The following PLCB4 variants were observed in gnomAD, a reference collection of about 807,000 sequenced individuals.
PLCB4 encodes 1-phosphatidylinositol 4,5-bisphosphate phosphodiesterase beta-4.
Under a neutral mutation model 178.8 loss-of-function variants are expected in PLCB4, and 77 were observed. That is an observed-to-expected ratio of 0.43 (90% CI 0.36 to 0.52). The LOEUF is 0.52. Among genes scored for constraint, PLCB4 ranks in the 20% least tolerant of loss-of-function variants. The pLI, the probability that PLCB4 is intolerant of heterozygous loss-of-function variation, is 0.00. For synonymous variants in PLCB4, 496 were observed against 490.8 expected, an observed-to-expected ratio of 1.01 and a Z score of -0.14; for missense variants, 1,024 against 1,453.4, an observed-to-expected ratio of 0.70 and a Z score of 4.80.
rs371725939 is a variant in PLCB4 at position 9,423,846 on chromosome 20, C to T, written c.2418C>T (p.Ala806=). The T allele has an allele frequency of 2.0e-5, 32 of 1,613,190 alleles. No homozygotes were observed. The highest frequency in any genetic ancestry group is 1.8e-4 in the South Asian group (16 of 91,056). The stretch of plus-strand genomic sequence containing the variant: ...TCCTCCCGCTTGATGGCCTCCAAGC[C>T]GGATATCGACACATTTCCCTTCGAA... ...QRILPLDGLQ[A]GYRHISLRNE... Residue 806 remains alanine, a synonymous_variant, in exon 28 of 40, where the codon GCC becomes GCT. Transcript: ENST00000378473.
chr20:9,085,320 A>G (rs912713902), intron 1 of PLCB4, among the ~76,000 whole-genome samples: 1 of 152,132 alleles, frequency 6.6e-6, no homozygotes, highest in Non-Finnish European at 1.5e-5. Context: ...ATTTGAGTTT[A>G]TTTGAATACA....
chr20:9,372,445 C>T (rs771768559), intron 11 of PLCB4, 42 bp downstream of exon 11: 2 of 971,174 alleles, frequency 2.1e-6, no homozygotes, highest in South Asian at 1.4e-5. Flanking sequence ...AATATTATCA[C>T]TGTCCTTTTC....
intron 2 of PLCB4, among the ~76,000 whole-genome samples, chr20:9,168,017 T>C (rs2093000759): frequency 6.6e-6 from 1 of 152,190 alleles, no homozygotes; most frequent in Admixed American, 6.5e-5. Context: ...TTCACAGCTG[T>C]CTTTTATAGC....
At chr20:9,200,553 T>G (rs912980489) in intron 2 of PLCB4, among the ~76,000 whole-genome samples, 4 of 152,224 alleles carry the variant, frequency 2.6e-5, no homozygotes, top group Non-Finnish European at 2.9e-5. Flanking sequence ...CCCATTTAAT[T>G]GAAAATCAGA....
rs116890280 is a variant in PLCB4 at position 9,291,626 on chromosome 20, C to T, written c.-15-16174C>T. ...CGAATTCCATGTGATTTTTTTCTCACTATCTCTATTTTATTAGTTCCATCT... is the reference window on the plus strand; with the variant it reads ...CGAATTCCATGTGATTTTTTTCTCATTATCTCTATTTTATTAGTTCCATCT... On this transcript the variant is annotated intron_variant, in intron 3 of 39. Coordinates refer to ENST00000378473, the MANE Select transcript of PLCB4 (RefSeq NM_001377142.1). Among the ~76,000 whole-genome samples, 3 of 152,228 alleles carry T rather than the reference C, an allele frequency of 2.0e-5. No individual in the cohort carries two copies. In the East Asian group the frequency reaches 5.8e-4, roughly 29 times the overall value.
intron 35 of PLCB4, among the ~76,000 whole-genome samples, chr20:9,462,552 C>T (rs2122500169): frequency 6.6e-6 from 1 of 152,234 alleles, no homozygotes; most frequent in South Asian, 2.1e-4. Context: ...CTATAATAAA[C>T]AGTGTAGAGA....
At chr20:9,284,569 A>G (rs575962739) in intron 3 of PLCB4, among the ~76,000 whole-genome samples, 2 of 151,970 alleles carry the variant, frequency 1.3e-5, no homozygotes, top group East Asian at 3.9e-4. Flanking sequence ...GGGGAGAGGG[A>G]AATGTATGAT....
At chr20:9,219,455 G>A (rs2093771932) in intron 3 of PLCB4, among the ~76,000 whole-genome samples, 1 of 151,894 alleles carries the variant, frequency 6.6e-6, no homozygotes, top group Non-Finnish European at 1.5e-5. Flanking sequence ...GGCAACAGAG[G>A]GAGACTCCGA....
chr20:9,437,681 C>G (rs1353918493), intron 30 of PLCB4, among the ~76,000 whole-genome samples: 3 of 152,082 alleles, frequency 2.0e-5, no homozygotes, highest in East Asian at 1.9e-4. Flanking sequence ...TAGGGAGTGG[C>G]AAGGAGTTCA....
Position 9,372,419 on chromosome 20 carries a change from G to T in PLCB4, c.686+16G>T. 4 of 1,253,198 alleles carry T rather than the reference G, an allele frequency of 3.2e-6. No homozygotes were observed. The highest frequency in any genetic ancestry group is 4.7e-6 in the Non-Finnish European group (4 of 859,794). The allele number at this position is 1,253,198 out of a possible 1,614,324, so 77.6% of individuals were successfully genotyped here. On this transcript the variant is annotated intron_variant, in intron 11 of 39. Transcript: ENST00000378473. ...TCAAAAAAATGTAAGTTCCACTTAT[G>T]AGGAAGTGCCATATAAATATTATCA...
chr20:9,349,445 G>A lies in PLCB4; in HGVS notation c.369+10408G>A, dbSNP rs549576795. ...CTGTTTAAATTAAAACTTTTTCTTAGGTTTCAATGTAACCGCAAATCCCCA... is the reference window on the plus strand; with the variant it reads ...CTGTTTAAATTAAAACTTTTTCTTAAGTTTCAATGTAACCGCAAATCCCCA... On this transcript the variant is annotated intron_variant, in intron 7 of 39. Coordinates refer to ENST00000378473, the MANE Select transcript of PLCB4 (RefSeq NM_001377142.1). 1.0e-3 allele frequency among the ~76,000 whole-genome samples: 158 copies of A among 152,130 alleles called. 1 individual carries two copies. The highest frequency in any genetic ancestry group is 4.9e-3 in the Admixed American group (75 of 15,258).
At chr20:9,356,851 C>T (rs2034872302) in intron 7 of PLCB4, among the ~76,000 whole-genome samples, 2 of 152,170 alleles carry the variant, frequency 1.3e-5, no homozygotes, top group Admixed American at 1.3e-4. Flanking sequence ...TGCAGTGGCT[C>T]ATGCCTGTAA....
intron 26 of PLCB4, 76 bp downstream of exon 26, chr20:9,419,985 A>C: frequency 1.1e-6 from 1 of 902,548 alleles, no homozygotes; most frequent in Non-Finnish European, 1.8e-6. Context: ...AAAATATTGA[A>C]TGTTAAATTG....
intron 18 of PLCB4, 71 bp from the exon 19 acceptor site, chr20:9,395,452 C>G (rs2038498399): frequency 1.0e-6 from 1 of 979,760 alleles, no homozygotes; most frequent in Non-Finnish European, 1.6e-6. Context: ...TCCTCAGTGT[C>G]GATCTCAAGG....
At chr20:9,168,782 G>A (rs145962747) in intron 2 of PLCB4, among the ~76,000 whole-genome samples, 2 of 152,160 alleles carry the variant, frequency 1.3e-5, no homozygotes, top group African/African-American at 4.8e-5. Context: ...GACACTGGCC[G>A]CTTTGTGGCT....
At chr20:9,463,463 C>A (rs1044273436) in intron 35 of PLCB4, among the ~76,000 whole-genome samples, 1 of 151,932 alleles carries the variant, frequency 6.6e-6, no homozygotes. Flanking sequence ...TTAAAAGACA[C>A]AGACTGGCAA....
At chr20:9,337,600 A>G (rs1478423208) in intron 5 of PLCB4, among the ~76,000 whole-genome samples, 1 of 152,194 alleles carries the variant, frequency 6.6e-6, no homozygotes, top group Non-Finnish European at 1.5e-5. Flanking sequence ...AATTCGATGT[A>G]TGGTACAGTG....
intron 2 of PLCB4, among the ~76,000 whole-genome samples, chr20:9,175,922 T>G (rs997893578): frequency 2.0e-5 from 3 of 152,136 alleles, no homozygotes; most frequent in Non-Finnish European, 2.9e-5. Flanking sequence ...TTGCATTGCG[T>G]GAGTCTTAGC....
Position 9,246,319 on chromosome 20 carries a change from CA to C in PLCB4, c.-16+28872del, listed in dbSNP as rs541492016. Among the ~76,000 whole-genome samples the C allele has an allele frequency of 1.6e-4, 25 of 152,220 alleles. No individual in the cohort carries two copies. In the South Asian group the frequency reaches 5.2e-3, roughly 32 times the overall value. ...TTACCACTATACATACCTTCAATGGCAAAAACCACAATTACTTTTGCACCAA... is the reference window on the plus strand; with the variant it reads ...TTACCACTATACATACCTTCAATGGCAAAACCACAATTACTTTTGCACCAA... On this transcript the variant is annotated intron_variant, in intron 3 of 39. Transcript: ENST00000378473.
Sources: allele counts gnomAD v4.1 joint callset (sites outside exome capture counted in the v4.1 genomes callset), GRCh38; gene constraint gnomAD v4.1.1; transcripts MANE v1.5; gene names NCBI Gene and HGNC (gene_info 2026-07-23, HGNC 2026-07-21).